The following FAM107A variants were observed in gnomAD, a reference collection of about 807,000 sequenced individuals.
FAM107A encodes family with sequence similarity 107 member A.
In FAM107A, 19 loss-of-function variants were observed where a neutral mutation model predicts 13.7. The ratio of observed to expected loss-of-function variants is 1.38; its 90% CI spans 0.97 to 2.03. FAM107A has a LOEUF of 2.03. Ranked by LOEUF, FAM107A falls within the 30% of genes most tolerant of loss-of-function variation. The probability of loss-of-function intolerance (pLI) is 0.00; values close to 1 mark genes in which losing one functional copy is unlikely to be tolerated. For missense variants in FAM107A, 203 were observed against 184.4 expected, an observed-to-expected ratio of 1.10 and a Z score of -0.58; for synonymous variants, 82 against 74.5, an observed-to-expected ratio of 1.10 and a Z score of -0.52.
chr3:58,603,682 G>C (rs1050365078), intron 1 of FAM107A, among the ~76,000 whole-genome samples: 1 of 152,126 alleles, frequency 6.6e-6, no homozygotes, highest in Non-Finnish European at 1.5e-5. Flanking sequence ...AATGGGAAGA[G>C]GGTAACCTGC....
chr3:58,568,555 T>G (rs2063647999), intron 2 of FAM107A, among the ~76,000 whole-genome samples: 1 of 152,248 alleles, frequency 6.6e-6, no homozygotes, highest in Non-Finnish European at 1.5e-5. Context: ...TCTTTAAGCT[T>G]TTGTTTTTGA....
In FAM107A at chr3:58,574,055, A is replaced by G. The variant is rs1334819942; in HGVS notation, c.-6+3254T>C. ...GGGCTGGCTACCAGGGCTGCCACAT[A>G]CAACAGGCTGGTTGGGTACCTCACA... is the stretch of plus-strand genomic sequence containing the variant. On this transcript the variant is annotated intron_variant, in intron 1 of 3. Transcript: ENST00000360997. The G allele has an allele frequency of 3.9e-5, 6 of 152,362 alleles. No individual in the cohort carries two copies. In the East Asian group the frequency reaches 9.6e-4, roughly 24 times the overall value. The allele number at this position is 152,362 out of a possible 1,614,324, so 9.4% of individuals were successfully genotyped here.
chr3:58,567,280 C>T lies in FAM107A; in HGVS notation c.255G>A (p.Glu85=). ...RRNQLIKKKK[E]ELEAKRLQCP... ...ACTGCAGCCGCTTGGCTTCCAGCTC[C>T]TCCTTCTTCTTCTTGATGAGCTGGT... The change falls in exon 3 of 4, where the codon GAG becomes GAA. Residue 85 remains glutamate, a synonymous_variant. Transcript: ENST00000360997. 1.2e-6 allele frequency: 2 copies of T among 1,613,914 alleles called. No homozygotes were observed. Among genetic ancestry groups the T allele is most frequent in the Non-Finnish European group, 1.7e-6 (2 of 1,179,940 alleles).
intron 1 of FAM107A, among the ~76,000 whole-genome samples, chr3:58,582,859 C>T (rs984251033): frequency 2.0e-5 from 3 of 152,164 alleles, no homozygotes; most frequent in Non-Finnish European, 4.4e-5. Flanking sequence ...AGGGCAGTGG[C>T]ACGATTTCGG....
chr3:58,589,016 A>G (rs2065633497), upstream of FAM107A, among the ~76,000 whole-genome samples: 1 of 152,194 alleles, frequency 6.6e-6, no homozygotes, highest in Non-Finnish European at 1.5e-5. Flanking sequence ...TCGAGATCAC[A>G]TAATGAGTTG....
upstream of FAM107A, among the ~76,000 whole-genome samples, chr3:58,591,346 A>G (rs2065653139): frequency 6.6e-6 from 1 of 152,164 alleles, no homozygotes; most frequent in East Asian, 1.9e-4. The surrounding 1 kb of genome is among the most constrained non-coding windows in gnomAD (Gnocchi z 4.3). Context: ...AGCCAAGCAG[A>G]TGTCCTGGGG....
chr3:58,582,757 G>A (rs1381250219), upstream of FAM107A, among the ~76,000 whole-genome samples: 1 of 152,206 alleles, frequency 6.6e-6, no homozygotes, highest in Admixed American at 6.5e-5. Context: ...GGCTCTGTAA[G>A]TGGCAACTAT....
At chr3:58,577,696 T>C, upstream of FAM107A, 1 of 985,264 alleles carries the variant, frequency 1.0e-6, no homozygotes, top group Non-Finnish European at 1.2e-6. The surrounding 1 kb of genome is among the most constrained non-coding windows in gnomAD (Gnocchi z 4.9). Context: ...TTGTTTCTTA[T>C]GGGAGGGTCA....
chr3:58,568,392 G>A (rs1298614889), intron 2 of FAM107A, among the ~76,000 whole-genome samples: 4 of 150,898 alleles, frequency 2.7e-5, no homozygotes, highest in Admixed American at 6.6e-5. Flanking sequence ...CTGAGGTCGC[G>A]CCACTGCACT....
intron 1 of FAM107A, among the ~76,000 whole-genome samples, chr3:58,609,637 T>C (rs890274235): frequency 1.3e-5 from 2 of 152,120 alleles, no homozygotes; most frequent in Non-Finnish European, 2.9e-5. Flanking sequence ...TCCCCCAACA[T>C]CTCCTACAGC....
Position 58,569,543 on chromosome 3 carries a change from G to A in FAM107A, c.170+148C>T. ...TGGGGACAGGGTCTTTACAGGTTTT[G>A]CCGGTGATCATGTGGGGCACCTCAG... On this transcript the variant is annotated intron_variant, in intron 2 of 3. Transcript: ENST00000360997. The surrounding 1 kb of genome is among the most constrained non-coding windows in gnomAD (Gnocchi z 5.7). 1 of 673,244 alleles carries A rather than the reference G, an allele frequency of 1.5e-6. No individual in the cohort carries two copies. The allele number at this position is 673,244 out of a possible 1,614,324, so 41.7% of individuals were successfully genotyped here.
In FAM107A at chr3:58,616,565, A is replaced by ACACAC. The variant is rs1553631043; in HGVS notation, c.-70+10850_-70+10851insGTGTG. 5.5e-5 allele frequency among the ~76,000 whole-genome samples: 8 copies of ACACAC among 144,892 alleles called. No individual in the cohort carries two copies. In the South Asian group the frequency reaches 1.3e-3, roughly 24 times the overall value. ...CACACACACACACACACACACACAC[A>ACACAC]CACCACCACTACCACCACCACCACC... On this transcript the variant is annotated intron_variant, in intron 1 of 3. Transcript: ENST00000465970.
At position 58,566,593 on chromosome 3, in the gene FAM107A, GCT is replaced by G. The variant is rs1290955223; in HGVS notation, c.428_429del (p.Glu143AlafsTer37). 1 of 1,612,208 alleles carries G rather than the reference GCT, an allele frequency of 6.2e-7. No homozygotes were observed. The highest frequency in any genetic ancestry group is 2.2e-5 in the East Asian group (1 of 44,882). ...RIATLTSEER[E>X]L The stretch of plus-strand genomic sequence containing the variant: ...CCTGAGCCCGGCAGCTGGCCCTACA[GCT>G]CTCTCTCTTCGCTGGTCAGTGTGGC... On this transcript the variant is annotated frameshift_variant, in exon 4 of 4. Transcript: ENST00000360997. LOFTEE classifies it high-confidence loss of function.
chr3:58,567,502 T>A, intron 2 of FAM107A, 138 bp from the exon 3 acceptor site: 2 of 939,910 alleles, frequency 2.1e-6, no homozygotes, highest in Non-Finnish European at 3.1e-6. Context: ...GTGGACCCAT[T>A]ACTGTCCCAT....
chr3:58,607,023 C>T (rs905082582), intron 1 of FAM107A: 4 of 152,212 alleles, frequency 2.6e-5, no homozygotes, highest in Non-Finnish European at 4.4e-5. Context: ...TGTCATTACT[C>T]CTAGACTTTC....
intron 1 of FAM107A, among the ~76,000 whole-genome samples, chr3:58,575,521 T>C (rs975457423): frequency 4.4e-4 from 13 of 29,508 alleles, no homozygotes; most frequent in Non-Finnish European, 1.2e-3. Flanking sequence ...CCAAGCTACT[T>C]GTCTCGATAC....
chr3:58,587,807 C>T (rs4681869), upstream of FAM107A, among the ~76,000 whole-genome samples: 56,715 of 151,976 alleles, frequency 0.37, 11,848 homozygotes, highest in Non-Finnish European at 0.48. Context: ...AGGATCTATT[C>T]TGTGTCTGGT....
rs1460428665 is a variant in FAM107A at position 58,569,868 on chromosome 3, G to A, written c.-5-3C>T. 7 of 1,613,378 alleles carry A rather than the reference G, an allele frequency of 4.3e-6. No homozygotes were observed. The highest frequency in any genetic ancestry group is 1.1e-5 in the South Asian group (1 of 91,016). ...CTGGATCTCCGAGTACATGGCGGCT[G>A]TAGAGATGGGCAGAGGAGTAGCTCA... On this transcript the variant is annotated splice_polypyrimidine_tract_variant and splice_region_variant and intron_variant, in intron 1 of 3. Coordinates refer to ENST00000360997, the MANE Select transcript of FAM107A (RefSeq NM_001076778.3). The surrounding 1 kb of genome is among the most constrained non-coding windows in gnomAD (Gnocchi z 5.7).
At chr3:58,576,423 A>G (rs1242274043) in intron 1 of FAM107A, among the ~76,000 whole-genome samples, 4 of 152,238 alleles carry the variant, frequency 2.6e-5, no homozygotes, top group African/African-American at 9.6e-5. Flanking sequence ...CAGACCTGGA[A>G]TCCCTGCTGG....
Sources: gnomAD v4.1 joint callset for allele counts (sites outside exome capture counted in the v4.1 genomes callset) on GRCh38, gnomAD v4.1.1 for gene constraint, Gnocchi (gnomAD v3.1) non-coding constraint, MANE v1.5 for transcripts, NCBI Gene and HGNC (gene_info 2026-07-23, HGNC 2026-07-21) for gene names.